The following ZCWPW2 variants were observed in gnomAD, a reference collection of about 807,000 sequenced individuals.
The protein encoded by ZCWPW2 is zinc finger CW-type and PWWP domain containing 2.
ZCWPW2 carries 45 observed loss-of-function variants against 46.6 expected under a neutral mutation model. The ratio of observed to expected loss-of-function variants is 0.96; its 90% CI spans 0.76 to 1.24. The LOEUF (loss-of-function observed/expected upper bound fraction) is 1.24, where lower values mean the gene tolerates loss of function less well. Among genes scored for constraint, ZCWPW2 ranks in the 50% most tolerant of loss-of-function variants. ZCWPW2 has a pLI of 0.00. For synonymous variants in ZCWPW2, 152 were observed against 137.1 expected (o/e 1.11, Z -0.76); for missense variants, 429 against 403.9 (o/e 1.06, Z -0.53).
At chr3:28,429,137 T>C (rs1279995910) in intron 3 of ZCWPW2, among the ~76,000 whole-genome samples, 2 of 152,186 alleles carry the variant, frequency 1.3e-5, no homozygotes, top group Non-Finnish European at 2.9e-5. Flanking sequence ...AGTTTGGAAC[T>C]TCCTAGAGAC....
chr3:28,471,531 A>G (rs983594171), intron 4 of ZCWPW2, among the ~76,000 whole-genome samples: 1 of 152,214 alleles, frequency 6.6e-6, no homozygotes, highest in African/African-American at 2.4e-5. Flanking sequence ...CTAAAAATGA[A>G]TTTGATAAAA....
chr3:28,467,190 C>A (rs1698854534), intron 4 of ZCWPW2, among the ~76,000 whole-genome samples: 1 of 151,686 alleles, frequency 6.6e-6, no homozygotes, highest in South Asian at 2.1e-4. Flanking sequence ...GGGATGGGTA[C>A]AAATAGTAAC....
At chr3:28,402,162 A>G (rs1695971203) in intron 2 of ZCWPW2, among the ~76,000 whole-genome samples, 1 of 152,130 alleles carries the variant, frequency 6.6e-6, no homozygotes, top group African/African-American at 2.4e-5. Context: ...GATAAATAAA[A>G]CTTTTAGACT....
chr3:28,504,520 T>C (rs927323648), intron 6 of ZCWPW2, among the ~76,000 whole-genome samples: 4 of 152,162 alleles, frequency 2.6e-5, no homozygotes, highest in Non-Finnish European at 5.9e-5. Context: ...TAATGAAACA[T>C]TTGACATTCA....
chr3:28,362,858 A>G (rs1282501795), intron 1 of ZCWPW2, among the ~76,000 whole-genome samples: 1 of 152,200 alleles, frequency 6.6e-6, no homozygotes. Context: ...TGGTACATAT[A>G]CACCATGGAA....
chr3:28,407,979 T>C (rs1453045053), intron 2 of ZCWPW2, among the ~76,000 whole-genome samples: 2 of 152,110 alleles, frequency 1.3e-5, no homozygotes, highest in Admixed American at 6.6e-5. Flanking sequence ...TTGGAGAAAA[T>C]GTAATGGAAT....
intron 4 of ZCWPW2, among the ~76,000 whole-genome samples, chr3:28,441,134 G>A (rs1478764205): frequency 3.9e-5 from 6 of 152,182 alleles, no homozygotes; most frequent in Non-Finnish European, 7.4e-5. Flanking sequence ...AGGCTGAGTG[G>A]TGTCCACAGA....
At chr3:28,491,018 T>G (rs1165267396) in intron 5 of ZCWPW2, among the ~76,000 whole-genome samples, 1 of 152,140 alleles carries the variant, frequency 6.6e-6, no homozygotes, top group Non-Finnish European at 1.5e-5. Context: ...ATGTGGTCCC[T>G]GCTTTTGAGG....
intron 2 of ZCWPW2, among the ~76,000 whole-genome samples, chr3:28,395,872 A>C (rs1166677846): frequency 6.6e-6 from 1 of 152,080 alleles, no homozygotes. Flanking sequence ...AAATTCGCTA[A>C]AATATTAGGT....
At chr3:28,375,733 C>A (rs902019258) in intron 1 of ZCWPW2, among the ~76,000 whole-genome samples, 2 of 123,544 alleles carry the variant, frequency 1.6e-5, no homozygotes, top group Non-Finnish European at 3.5e-5. Context: ...CTTATTCATT[C>A]TTTCTATTTT....
rs118142985 is a variant in ZCWPW2, at chr3:28,454,968, T to C, written c.492+19699T>C. Among the ~76,000 whole-genome samples the C allele has an allele frequency of 6.6e-4, 101 of 152,288 alleles. 1 individual carries two copies. In the East Asian group the frequency reaches 0.016, roughly 24 times the overall value. ...CACATGTGTGCATGTGTCTTTATAATAGAGTGTTTTTATTCCTTTGGGTCT... is the reference window on the plus strand; with the variant it reads ...CACATGTGTGCATGTGTCTTTATAACAGAGTGTTTTTATTCCTTTGGGTCT... On this transcript the variant is annotated intron_variant, in intron 4 of 9. Coordinates refer to ENST00000383768, the MANE Select transcript of ZCWPW2 (RefSeq NM_001040432.4).
intron 4 of ZCWPW2, among the ~76,000 whole-genome samples, chr3:28,477,954 C>G (rs973497323): frequency 2.6e-5 from 4 of 151,846 alleles, no homozygotes; most frequent in Non-Finnish European, 4.4e-5. Context: ...ATTTTTGACC[C>G]AGATATTTTT....
intron 4 of ZCWPW2, among the ~76,000 whole-genome samples, chr3:28,460,528 G>A (rs116305210): frequency 6.6e-6 from 1 of 152,208 alleles, no homozygotes; most frequent in African/African-American, 2.4e-5. Flanking sequence ...ACAGGTGAGT[G>A]GGAAGGCAGA....
intron 6 of ZCWPW2, among the ~76,000 whole-genome samples, chr3:28,497,551 T>A (rs1215206206): frequency 6.6e-6 from 1 of 151,580 alleles, no homozygotes; most frequent in East Asian, 1.9e-4. Context: ...ATAGGATAGA[T>A]CCCAAAGAAG....
intron 1 of ZCWPW2, among the ~76,000 whole-genome samples, chr3:28,389,519 A>G: frequency 6.6e-6 from 1 of 152,182 alleles, no homozygotes; most frequent in East Asian, 1.9e-4. Flanking sequence ...ATATCATGCC[A>G]TGGACTAAAA....
At chr3:28,486,113 G>A (rs1049634045) in intron 5 of ZCWPW2, among the ~76,000 whole-genome samples, 1 of 151,942 alleles carries the variant, frequency 6.6e-6, no homozygotes, top group Non-Finnish European at 1.5e-5. Flanking sequence ...ACTTTTTGGT[G>A]GTTGCCCTAG....
At position 28,425,970 on chromosome 3, in the gene ZCWPW2, G is replaced by A. The variant is rs141349329; in HGVS notation, c.333-9140G>A. On this transcript the variant is annotated intron_variant, in intron 3 of 9. Transcript: ENST00000383768. ...ACTAAAATTTCAAAATTAGCTGGGC[G>A]TGGTGGCACATGTCTGTAATCCCAG... Among the ~76,000 whole-genome samples, 463 of 152,138 alleles carry A rather than the reference G, an allele frequency of 3.0e-3. 2 individuals are homozygous for A. Among genetic ancestry groups the A allele is most frequent in the African/African-American group, 9.9e-3 (411 of 41,534 alleles).
At position 28,525,522 on chromosome 3, in the gene ZCWPW2, G is replaced by A. The variant is rs932059927; in HGVS notation, c.*834G>A. Among the ~76,000 whole-genome samples, 19 of 152,036 alleles carry A rather than the reference G, an allele frequency of 1.2e-4. No individual in the cohort carries two copies. Among genetic ancestry groups the A allele is most frequent in the African/African-American group, 4.3e-4 (18 of 41,484 alleles). On this transcript the variant is annotated 3_prime_UTR_variant, in exon 10 of 10. Coordinates refer to ENST00000383768, the MANE Select transcript of ZCWPW2 (RefSeq NM_001040432.4). ...CTGCTCTATCTCTTTCTGGTGGTAC[G>A]GGGTGGGGAAAAGGGCATTCCAAGC...
At chr3:28,356,289 C>A (rs1029603011) in intron 1 of ZCWPW2, among the ~76,000 whole-genome samples, 5 of 152,198 alleles carry the variant, frequency 3.3e-5, no homozygotes, top group Admixed American at 3.3e-4. Flanking sequence ...ATGCAAATCA[C>A]AACCACAATG....
Sources: gnomAD v4.1 joint callset for allele counts (sites outside exome capture counted in the v4.1 genomes callset) on GRCh38, gnomAD v4.1.1 for gene constraint, MANE v1.5 for transcripts, NCBI Gene and HGNC (gene_info 2026-07-23, HGNC 2026-07-21) for gene names.